Variants in DYM observed in about 807,000 individuals in gnomAD.
The protein encoded by DYM is dymeclin, also known as dyggve-Melchior-Clausen syndrome protein.
In DYM, 78 loss-of-function variants were observed where a neutral mutation model predicts 93.1. The ratio of observed to expected loss-of-function variants is 0.84; its 90% confidence interval spans 0.70 to 1.01. The LOEUF is 1.01. Among genes scored for constraint, DYM ranks in the 50% least tolerant of loss-of-function variants. The pLI, the probability that DYM is intolerant of heterozygous loss-of-function variation, is 0.00. For missense variants in DYM, 789 were observed against 845.0 expected, an observed-to-expected ratio of 0.93 and a Z score of 0.82; for synonymous variants, 321 against 319.7, an observed-to-expected ratio of 1.00 and a Z score of -0.04.
chr18:49,070,911 A>T (rs1490009404), intron 17 of DYM, among the ~76,000 whole-genome samples: 1 of 152,196 alleles, frequency 6.6e-6, no homozygotes, highest in African/African-American at 2.4e-5. Flanking sequence ...ATGGTTCCTT[A>T]TACCCCATTG....
chr18:49,245,295 A>G (rs1344213855), intron 13 of DYM, among the ~76,000 whole-genome samples: 2 of 152,242 alleles, frequency 1.3e-5, no homozygotes, highest in Non-Finnish European at 2.9e-5. Flanking sequence ...ACAGAATAAC[A>G]GCGATTTTCA....
intron 15 of DYM, among the ~76,000 whole-genome samples, chr18:49,148,752 T>TA (rs1205633807): frequency 1.3e-5 from 2 of 152,174 alleles, no homozygotes; most frequent in Admixed American, 1.3e-4. Context: ...AAGATTCAGA[T>TA]AAACTCCTTT....
At chr18:49,224,168 C>T (rs1376593613) in intron 13 of DYM, among the ~76,000 whole-genome samples, 1 of 151,986 alleles carries the variant, frequency 6.6e-6, no homozygotes, top group Non-Finnish European at 1.5e-5. Context: ...AAAATTGACT[C>T]TCAGGTTTCT....
At chr18:49,203,276 A>G (rs1470225633) in intron 14 of DYM, among the ~76,000 whole-genome samples, 1 of 51,942 alleles carries the variant, frequency 1.9e-5, no homozygotes, top group East Asian at 4.5e-4. Flanking sequence ...CCAGGAGGTG[A>G]GGGGCGCCTC....
intron 2 of DYM, among the ~76,000 whole-genome samples, chr18:49,399,928 A>ATTTTTATTTTTTTTT (rs1258036704): frequency 1.1e-5 from 1 of 94,250 alleles, no homozygotes; most frequent in Non-Finnish European, 2.2e-5. Context: ...ATTTATTTTT[A>ATTTTTATTTTTTTTT]TTTTTCTTTT....
At chr18:49,293,260 A>G (rs754226769) in intron 8 of DYM, among the ~76,000 whole-genome samples, 6 of 152,064 alleles carry the variant, frequency 3.9e-5, no homozygotes, top group Non-Finnish European at 8.8e-5. Flanking sequence ...AGTCTTTTCT[A>G]TGTGAATAGT....
intron 3 of DYM, among the ~76,000 whole-genome samples, chr18:49,383,739 T>C (rs553942534): frequency 1.3e-5 from 2 of 152,324 alleles, no homozygotes; most frequent in Admixed American, 1.3e-4. Flanking sequence ...GACAGCTCCA[T>C]GAGGTCAGAG....
At chr18:49,428,307 AG>A (rs1421848233) in intron 2 of DYM, among the ~76,000 whole-genome samples, 1 of 152,068 alleles carries the variant, frequency 6.6e-6, no homozygotes, top group Non-Finnish European at 1.5e-5. Context: ...AGAAAAAAAA[AG>A]AAAGAAGCCA....
chr18:49,236,201 C>A (rs1206018537), intron 13 of DYM, among the ~76,000 whole-genome samples: 3 of 152,132 alleles, frequency 2.0e-5, no homozygotes, highest in Non-Finnish European at 2.9e-5. Context: ...TGTAAATAGG[C>A]CAGGCACAGT....
In DYM at chr18:49,040,520, T is replaced by G. The variant is rs2143981381; in HGVS notation, c.*3535A>C. ...TCTACTTCTCAGTTCTTCATATGCA[T>G]AGCTAGCTTAGCTCTTCATCACTGA... is the stretch of plus-strand genomic sequence containing the variant. On this transcript the variant is annotated 3_prime_UTR_variant, in exon 18 of 18. Coordinates refer to ENST00000675505, the MANE Select transcript of DYM (RefSeq NM_001353214.3). Among the ~76,000 whole-genome samples the G allele has an allele frequency of 6.6e-6, 1 of 152,396 alleles. No individual in the cohort carries two copies. The highest frequency in any genetic ancestry group is 1.9e-4 in the East Asian group (1 of 5,192).
At chr18:49,085,415 G>T (rs1244427346) in intron 17 of DYM, among the ~76,000 whole-genome samples, 1 of 152,098 alleles carries the variant, frequency 6.6e-6, no homozygotes, top group Admixed American at 6.6e-5. Context: ...CATTTTTAAT[G>T]TTAGGGTTTT....
chr18:49,435,722 G>C (rs1392276066), intron 1 of DYM, among the ~76,000 whole-genome samples: 2 of 152,150 alleles, frequency 1.3e-5, no homozygotes, highest in African/African-American at 4.8e-5. Flanking sequence ...CCTGGAGGTG[G>C]AGGTTGCAGT....
intron 10 of DYM, among the ~76,000 whole-genome samples, chr18:49,272,680 T>C (rs536326345): frequency 6.6e-6 from 1 of 152,298 alleles, no homozygotes; most frequent in East Asian, 1.9e-4. Flanking sequence ...TTTTAATTTA[T>C]GTGCTTAGCA....
At chr18:49,064,843 C>A (rs537746098) in intron 17 of DYM, among the ~76,000 whole-genome samples, 9 of 150,968 alleles carry the variant, frequency 6.0e-5, no homozygotes, top group African/African-American at 1.7e-4. Context: ...CTTTCAAATA[C>A]TGTTTTGGAA....
chr18:49,318,951 C>T (rs1599390818), intron 8 of DYM, among the ~76,000 whole-genome samples: 1 of 151,526 alleles, frequency 6.6e-6, no homozygotes, highest in African/African-American at 2.4e-5. Context: ...CAGGCACCTG[C>T]CACCACGCCC....
chr18:49,275,332 C>A (rs191206421), intron 10 of DYM, among the ~76,000 whole-genome samples: 1 of 152,270 alleles, frequency 6.6e-6, no homozygotes, highest in East Asian at 1.9e-4. Context: ...TGTATTATGT[C>A]TATCCTTGTG....
rs1237629214 is a variant in DYM at position 49,441,276 on chromosome 18, T to TATATA, written c.-53-10830_-53-10829insTATAT. On this transcript the variant is annotated intron_variant, in intron 1 of 17. Transcript: ENST00000675505. ...GTTATATATAATTATATAATATATA[T>TATATA]TATATAATTATATATAATATAATTA... 6.9e-5 allele frequency among the ~76,000 whole-genome samples: 3 copies of TATATA among 43,296 alleles called. 1 individual carries two copies. Among genetic ancestry groups the TATATA allele is most frequent in the African/African-American group, 9.3e-5 (1 of 10,758 alleles). The allele number at this position is 43,296 out of a possible 152,430, so 28.4% of individuals were successfully genotyped here.
chr18:49,218,317 C>G (rs2093177414), intron 13 of DYM, among the ~76,000 whole-genome samples: 1 of 152,234 alleles, frequency 6.6e-6, no homozygotes, highest in African/African-American at 2.4e-5. Context: ...GAGACTTTAA[C>G]ACCCCACTGT....
chr18:49,258,839 CAGAGAGAGAGAGAGAGAGAGAGAGAG>C (rs61360021), intron 11 of DYM, among the ~76,000 whole-genome samples: 11 of 113,694 alleles, frequency 9.7e-5, no homozygotes, highest in Admixed American at 1.9e-4. Context: ...CACACACACA[CAGAGAGAGAGAGAGAGAGAGAGAGAG>C]AGAGAGAGAG....
Sources: gnomAD v4.1 joint callset for allele counts (sites outside exome capture counted in the v4.1 genomes callset) on GRCh38, gnomAD v4.1.1 for gene constraint, MANE v1.5 for transcripts, NCBI Gene and HGNC (gene_info 2026-07-23, HGNC 2026-07-21) for gene names.